TRPC1: variants seen among roughly 807,000 people sequenced by gnomAD.
TRPC1 encodes the protein short transient receptor potential channel 1.
Under a neutral mutation model 88.2 loss-of-function variants are expected in TRPC1, and 42 were observed. The ratio of observed to expected loss-of-function variants is 0.48; its 90% CI spans 0.37 to 0.62. The LOEUF (loss-of-function observed/expected upper bound fraction) is 0.62. Among genes scored for constraint, TRPC1 ranks in the 20% least tolerant of loss-of-function variants. The probability of loss-of-function intolerance (pLI) is 0.00; values close to 1 mark genes in which losing one functional copy is unlikely to be tolerated. For missense variants in TRPC1, 699 were observed against 957.3 expected (o/e 0.73, Z 3.56); for synonymous variants, 288 against 331.8 (o/e 0.87, Z 1.43).
At chr3:142,796,524 C>T (rs1223109245) in intron 9 of TRPC1, among the ~76,000 whole-genome samples, 1 of 151,952 alleles carries the variant, frequency 6.6e-6, no homozygotes, top group Non-Finnish European at 1.5e-5. Context: ...TCTCTCAGGT[C>T]CCACATGCTT....
chr3:142,791,487 A>C (rs1171132234), intron 8 of TRPC1, among the ~76,000 whole-genome samples: 1 of 152,144 alleles, frequency 6.6e-6, no homozygotes, highest in East Asian at 1.9e-4. Context: ...GAAGCCTAAA[A>C]ATATTAAACA....
chr3:142,737,110 T>C (rs1934165092), intron 2 of TRPC1, among the ~76,000 whole-genome samples: 1 of 152,132 alleles, frequency 6.6e-6, no homozygotes, highest in African/African-American at 2.4e-5. Flanking sequence ...CAGGCATGTG[T>C]GTAAGTCTTG....
At chr3:142,774,611 G>T (rs1350271068) in intron 4 of TRPC1, among the ~76,000 whole-genome samples, 1 of 152,150 alleles carries the variant, frequency 6.6e-6, no homozygotes, top group Non-Finnish European at 1.5e-5. Flanking sequence ...GGCTATTCCT[G>T]CCTGAAGCAC....
intron 4 of TRPC1, among the ~76,000 whole-genome samples, chr3:142,749,023 G>A (rs1934657168): frequency 1.3e-5 from 2 of 152,270 alleles, no homozygotes; most frequent in East Asian, 1.9e-4. Flanking sequence ...AAGATACATG[G>A]TGCTGGACTA....
chr3:142,778,587 A>T (rs1338526217), intron 5 of TRPC1, among the ~76,000 whole-genome samples: 2 of 152,146 alleles, frequency 1.3e-5, no homozygotes, highest in Non-Finnish European at 2.9e-5. Flanking sequence ...GGAGGAATTG[A>T]TTACGATTTT....
At chr3:142,747,262 G>A (rs1168856934) in intron 3 of TRPC1, among the ~76,000 whole-genome samples, 1 of 151,884 alleles carries the variant, frequency 6.6e-6, no homozygotes, top group East Asian at 1.9e-4. Flanking sequence ...GTAGGAATAT[G>A]GGTATTTTTA....
intron 4 of TRPC1, among the ~76,000 whole-genome samples, chr3:142,749,029 G>T (rs1934657365): frequency 6.6e-6 from 1 of 152,164 alleles, no homozygotes; most frequent in East Asian, 1.9e-4. Flanking sequence ...CATGGTGCTG[G>T]ACTAGATTTG....
intron 1 of TRPC1, 88 bp from the exon 2 acceptor site, chr3:142,736,291 T>C (rs1379273739): frequency 3.8e-6 from 4 of 1,053,614 alleles, no homozygotes; most frequent in Admixed American, 3.4e-5. Flanking sequence ...CTTTTAATCT[T>C]TTAATTCAAC....
At chr3:142,794,350 T>A (rs1936390469) in intron 9 of TRPC1, among the ~76,000 whole-genome samples, 1 of 152,006 alleles carries the variant, frequency 6.6e-6, no homozygotes, top group Admixed American at 6.6e-5. Flanking sequence ...GGAGAAAGTA[T>A]AATATTTTTT....
chr3:142,799,152 T>C (rs1936536200), intron 9 of TRPC1, among the ~76,000 whole-genome samples: 1 of 152,144 alleles, frequency 6.6e-6, no homozygotes, highest in African/African-American at 2.4e-5. Flanking sequence ...TTTAGTAGTT[T>C]GCTTTAATTT....
chr3:142,728,846 A>G (rs1338553031), intron 1 of TRPC1, among the ~76,000 whole-genome samples: 1 of 152,042 alleles, frequency 6.6e-6, no homozygotes, highest in Non-Finnish European at 1.5e-5. Context: ...ATTAGAGAGG[A>G]TGGTGGTGGG....
chr3:142,757,693 A>G (rs967359573), intron 4 of TRPC1, among the ~76,000 whole-genome samples: 1 of 152,162 alleles, frequency 6.6e-6, no homozygotes, highest in Non-Finnish European at 1.5e-5. Flanking sequence ...TACCTAATGC[A>G]TGCGGGGCTT....
chr3:142,790,804 G>A (rs545699383), intron 7 of TRPC1, among the ~76,000 whole-genome samples: 8 of 152,128 alleles, frequency 5.3e-5, no homozygotes, highest in Middle Eastern at 6.8e-3. Flanking sequence ...ATCCAAAGAT[G>A]AAACTTAAGG....
Position 142,806,168 on chromosome 3 carries a change from G to A in TRPC1, c.2315G>A (p.Arg772Gln), listed in dbSNP as rs982977298. Reference sequence around the variant, plus strand: ...CTGCGCCAAGATCTGTCAAAATTCCGAAATGAAATAAGGGATTTACTTGGC... The same window carrying A: ...CTGCGCCAAGATCTGTCAAAATTCCAAAATGAAATAAGGGATTTACTTGGC... ...NELRQDLSKF[R>Q]NEIRDLLGFR... The change falls in exon 13 of 13, where the codon CGA becomes CAA. Residue 772 changes from arginine to glutamine, a missense_variant. Transcript: ENST00000476941. The A allele has an allele frequency of 9.9e-6, 16 of 1,613,656 alleles. No homozygotes were observed. Among genetic ancestry groups the A allele is most frequent in the Non-Finnish European group, 1.3e-5 (15 of 1,179,726 alleles).
intron 6 of TRPC1, among the ~76,000 whole-genome samples, chr3:142,783,217 A>G (rs1936019179): frequency 6.6e-6 from 1 of 152,198 alleles, no homozygotes; most frequent in African/African-American, 2.4e-5. Flanking sequence ...AAGGACAGTA[A>G]TCAGTCCTGA....
chr3:142,758,944 C>T (rs764133310), intron 4 of TRPC1, among the ~76,000 whole-genome samples: 15 of 151,104 alleles, frequency 9.9e-5, no homozygotes, highest in Admixed American at 6.6e-4. Context: ...TCTGTCCTTG[C>T]GATAGTTTGC....
chr3:142,770,093 C>CTTT lies in TRPC1; in HGVS notation c.633-7519_633-7517dup, dbSNP rs779905124. On this transcript the variant is annotated intron_variant, in intron 4 of 12. Transcript: ENST00000476941. Reference sequence around the variant, plus strand: ...ATATATTTATAGATGTTGTATGTTCCTTTTTTTTTTTTTTTTTTTTTTGAG... The same window carrying CTTT: ...ATATATTTATAGATGTTGTATGTTCCTTTTTTTTTTTTTTTTTTTTTTTTTGAG... 4.1e-3 allele frequency among the ~76,000 whole-genome samples: 389 copies of CTTT among 95,244 alleles called. 8 individuals carry two copies. Among genetic ancestry groups the CTTT allele is most frequent in the East Asian group, 8.2e-3 (23 of 2,808 alleles). The allele number at this position is 95,244 out of a possible 152,430, so 62.5% of individuals were successfully genotyped here. A position where few individuals can be genotyped will look rare whatever the true frequency, so the allele number is the denominator to read the frequency against.
At position 142,794,248 on chromosome 3, in the gene TRPC1, T is replaced by C. The variant is rs78618964; in HGVS notation, c.1581+1281T>C. 7.1e-4 allele frequency among the ~76,000 whole-genome samples: 108 copies of C among 152,144 alleles called. 2 individuals carry two copies. The East Asian group carries it at 0.021, about 29-fold the overall frequency. On this transcript the variant is annotated intron_variant, in intron 9 of 12. Coordinates refer to ENST00000476941, the MANE Select transcript of TRPC1 (RefSeq NM_001251845.2). ...ATCAAGAGTCTACAGTGTTTTTACA[T>C]GCACATTGATTTTTTTTTAACTGAA...
At chr3:142,802,114 T>C in intron 9 of TRPC1, 55 bp from the exon 10 acceptor site, 10 of 1,232,206 alleles carry the variant, frequency 8.1e-6, no homozygotes, top group Non-Finnish European at 1.1e-5. Flanking sequence ...CATTTATATT[T>C]AATATTTTGT....
Sources: allele counts gnomAD v4.1 joint callset (sites outside exome capture counted in the v4.1 genomes callset), GRCh38; gene constraint gnomAD v4.1.1; transcripts MANE v1.5; gene names NCBI Gene and HGNC (gene_info 2026-07-23, HGNC 2026-07-21).